YAP1: variants seen among roughly 807,000 people sequenced by gnomAD.
The protein encoded by YAP1 is Yes1 associated transcriptional regulator.
In YAP1, 5 loss-of-function variants were observed where a neutral mutation model predicts 56.9. The ratio of observed to expected loss-of-function variants is 0.09; its 90% CI spans 0.05 to 0.18. YAP1 has a LOEUF of 0.18. Ranked by LOEUF, YAP1 falls within the 10% of genes least tolerant of loss-of-function variation. The pLI is 1.00. For missense variants in YAP1, 539 were observed against 651.8 expected (o/e 0.83, Z 1.88); for synonymous variants, 265 against 248.1 (o/e 1.07, Z -0.64).
Position 102,110,915 on chromosome 11 carries a change from C to T in YAP1, c.67C>T (p.Pro23Ser), listed in dbSNP as rs1465441942. The change falls in exon 1 of 9, where the codon CCC becomes TCC. Residue 23 changes from proline to serine, a missense_variant. By Grantham distance (74) the Pro-to-Ser change is moderately conservative. Around this residue, in one of 4 missense-constraint regions of YAP1, gnomAD observed 106 missense variants for 86.6 expected, o/e 1.22. Coordinates refer to ENST00000282441, the MANE Select transcript of YAP1 (RefSeq NM_001130145.3). ...GGGCCAAGGGCAGCCGCCTTCGCAG[C>T]CCCCGCAGGGGCAGGGCCCGCCGTC... ...PQGQGQPPSQ[P>S]PQGQGPPSGP... is the part of the protein sequence containing the mutation. 4.2e-6 allele frequency: 6 copies of T among 1,434,612 alleles called. No individual in the cohort carries two copies. The South Asian group carries it at 4.3e-5, about 10-fold the overall frequency. The allele number at this position is 1,434,612 out of a possible 1,614,324, so 88.9% of individuals were successfully genotyped here.
At chr11:102,132,890 G>A (rs1944450951) in intron 2 of YAP1, among the ~76,000 whole-genome samples, 1 of 152,210 alleles carries the variant, frequency 6.6e-6, no homozygotes. Context: ...CCGGCATAGT[G>A]GTTCATGCCT....
At chr11:102,207,037 A>G (rs1949156023) in intron 5 of YAP1, among the ~76,000 whole-genome samples, 1 of 152,182 alleles carries the variant, frequency 6.6e-6, no homozygotes, top group African/African-American at 2.4e-5. Context: ...TAATCTCAAC[A>G]TTAATTTTTA....
chr11:102,206,687 A>T (rs942950065), intron 5 of YAP1, among the ~76,000 whole-genome samples: 1 of 152,120 alleles, frequency 6.6e-6, no homozygotes, highest in Non-Finnish European at 1.5e-5. Context: ...TACTAAAAAT[A>T]AAAAAATTAG....
At chr11:102,118,772 CAT>C (rs1943464680) in intron 2 of YAP1, among the ~76,000 whole-genome samples, 4 of 150,470 alleles carry the variant, frequency 2.7e-5, no homozygotes, top group Non-Finnish European at 5.9e-5. Flanking sequence ...AGACTATGAA[CAT>C]ATACAGTGTA....
intron 2 of YAP1, among the ~76,000 whole-genome samples, chr11:102,139,796 A>C (rs753228734): frequency 6.6e-6 from 1 of 152,152 alleles, no homozygotes; most frequent in Non-Finnish European, 1.5e-5. Context: ...TTTGAGGGGA[A>C]TTTGATTTTA....
rs2226650 is a variant in YAP1 at position 102,231,793 on chromosome 11, A to C, written c.*1853A>C. ...CAGGCATAAAATCTCTTCTCCTGGC[A>C]AAAGCTGCTATGAAAAGCCTCAGCT... On this transcript the variant is annotated 3_prime_UTR_variant, in exon 9 of 9. Transcript: ENST00000282441. The C allele has an allele frequency of 1.3e-5, 2 of 152,638 alleles. No individual in the cohort carries two copies. Among genetic ancestry groups the C allele is most frequent in the Non-Finnish European group, 2.9e-5 (2 of 68,036 alleles). 9.5% of individuals were successfully genotyped at this position (152,638 alleles called of 1,614,324 possible).
intron 4 of YAP1, chr11:102,186,637 C>G (rs1947963888): frequency 6.6e-6 from 1 of 152,480 alleles, no homozygotes; most frequent in Non-Finnish European, 1.5e-5. Flanking sequence ...GCATTTTGCC[C>G]CCTCTTCTGT....
intron 2 of YAP1, among the ~76,000 whole-genome samples, chr11:102,147,583 T>G (rs79336228): frequency 6.6e-6 from 1 of 152,190 alleles, no homozygotes; most frequent in African/African-American, 2.4e-5. Context: ...TGAAATAATA[T>G]GACCAACTTA....
intron 3 of YAP1, among the ~76,000 whole-genome samples, chr11:102,164,971 C>T (rs896659636): frequency 5.9e-5 from 9 of 152,140 alleles, no homozygotes; most frequent in African/African-American, 2.2e-4. Context: ...ATCCGCCTGT[C>T]TTCGGCCTCC....
chr11:102,227,133 A>T (rs1054519544), intron 7 of YAP1: 24 of 220,442 alleles, frequency 1.1e-4, no homozygotes, highest in Non-Finnish European at 3.6e-5. Context: ...GATATTACAG[A>T]GAGGAGAATA....
intron 4 of YAP1, among the ~76,000 whole-genome samples, chr11:102,187,255 G>C (rs1948017487): frequency 6.6e-6 from 1 of 152,082 alleles, no homozygotes; most frequent in East Asian, 1.9e-4. Context: ...CAAACTGACT[G>C]AACCCCCTGT....
intron 5 of YAP1, among the ~76,000 whole-genome samples, chr11:102,207,440 C>T (rs1949177765): frequency 1.3e-5 from 2 of 151,856 alleles, no homozygotes; most frequent in South Asian, 4.2e-4. Context: ...GCCTCTAATC[C>T]CAACACTTTG....
chr11:102,177,180 A>C (rs1401811985), intron 3 of YAP1, among the ~76,000 whole-genome samples: 1 of 152,052 alleles, frequency 6.6e-6, no homozygotes, highest in Non-Finnish European at 1.5e-5. Flanking sequence ...AGGGATGTGA[A>C]ATGATGTGGA....
intron 4 of YAP1, among the ~76,000 whole-genome samples, chr11:102,191,988 G>C (rs940519828): frequency 6.6e-6 from 1 of 152,064 alleles, no homozygotes; most frequent in South Asian, 2.1e-4. Context: ...TTCTAATTAC[G>C]TAAGAGAATT....
At chr11:102,134,157 A>C (rs948834199) in intron 2 of YAP1, among the ~76,000 whole-genome samples, 1 of 152,182 alleles carries the variant, frequency 6.6e-6, no homozygotes, top group Non-Finnish European at 1.5e-5. Flanking sequence ...AACTGAAAAG[A>C]GTTTGCATTA....
intron 3 of YAP1, among the ~76,000 whole-genome samples, chr11:102,164,981 C>T (rs1946515581): frequency 6.6e-6 from 1 of 152,178 alleles, no homozygotes; most frequent in South Asian, 2.1e-4. Context: ...CTTCGGCCTC[C>T]CAAAGTGTTG....
At position 102,185,031 on chromosome 11, in the gene YAP1, G is replaced by A. The variant is rs1027527559; in HGVS notation, c.689-987G>A. On this transcript the variant is annotated intron_variant, in intron 3 of 8. Transcript: ENST00000282441. Reference sequence around the variant, plus strand: ...ACATAATATATAAGAACAATGACTAGCACAAGATAAGTGTTCAATTCATGT... The same window carrying A: ...ACATAATATATAAGAACAATGACTAACACAAGATAAGTGTTCAATTCATGT... Among the ~76,000 whole-genome samples, 6 of 152,258 alleles carry A rather than the reference G, an allele frequency of 3.9e-5. No homozygotes were observed. The East Asian group carries it at 5.8e-4, about 15-fold the overall frequency.
chr11:102,210,988 C>T (rs535961180), intron 6 of YAP1, among the ~76,000 whole-genome samples: 207 of 152,262 alleles, frequency 1.4e-3, no homozygotes, highest in African/African-American at 4.9e-3. Context: ...ATCTCCTGAC[C>T]TCGTGATCCG....
chr11:102,140,699 C>T lies in YAP1; in HGVS notation c.573-21757C>T, dbSNP rs137937970. 3.6e-3 allele frequency among the ~76,000 whole-genome samples: 552 copies of T among 152,086 alleles called. 2 individuals carry two copies. Among genetic ancestry groups the T allele is most frequent in the African/African-American group, 0.012 (500 of 41,500 alleles). On this transcript the variant is annotated intron_variant, in intron 2 of 8. Transcript: ENST00000282441. ...CTCTACTAAAAATACAAAAATTAGC[C>T]GGGCGTGGTTGTGCGCACCTGTAAT...
Sources: allele counts gnomAD v4.1 joint callset (sites outside exome capture counted in the v4.1 genomes callset), GRCh38; gene constraint gnomAD v4.1.1; regional missense constraint gnomAD v4.1.1; transcripts MANE v1.5; gene names NCBI Gene and HGNC (gene_info 2026-07-23, HGNC 2026-07-21).